Variants in TNFRSF21 observed in about 807,000 individuals in gnomAD.
TNFRSF21 encodes TNF receptor superfamily member 21, also known as tumor necrosis factor receptor superfamily member 21.
In TNFRSF21, 19 loss-of-function variants were observed where a neutral mutation model predicts 45.6. The ratio of observed to expected loss-of-function variants is 0.42; its 90% CI spans 0.29 to 0.61. TNFRSF21 has a LOEUF of 0.61. Ranked by LOEUF, TNFRSF21 falls within the 20% of genes least tolerant of loss-of-function variation. TNFRSF21 has a pLI of 0.23. For missense variants in TNFRSF21, 737 were observed against 851.5 expected (o/e 0.87, Z 1.67); for synonymous variants, 314 against 335.5 (o/e 0.94, Z 0.70).
At chr6:47,261,985 C>T (rs1765079550) in intron 3 of TNFRSF21, among the ~76,000 whole-genome samples, 1 of 152,162 alleles carries the variant, frequency 6.6e-6, no homozygotes, top group African/African-American at 2.4e-5. Context: ...TAAAAATAGT[C>T]CTTCCCTAAC....
At chr6:47,292,492 G>T (rs920474386) in intron 1 of TNFRSF21, among the ~76,000 whole-genome samples, 18 of 152,260 alleles carry the variant, frequency 1.2e-4, no homozygotes, top group Admixed American at 1.2e-3. Flanking sequence ...CTTTCCAAGT[G>T]ATTCTGATGC....
intron 3 of TNFRSF21, among the ~76,000 whole-genome samples, chr6:47,270,687 C>A (rs1762402624): frequency 6.6e-6 from 1 of 152,124 alleles, no homozygotes; most frequent in Non-Finnish European, 1.5e-5. Flanking sequence ...CAGAAGTAGG[C>A]TTCAGAAGAT....
At chr6:47,250,141 T>C (rs1240563547) in intron 4 of TNFRSF21, among the ~76,000 whole-genome samples, 1 of 152,148 alleles carries the variant, frequency 6.6e-6, no homozygotes, top group African/African-American at 2.4e-5. Context: ...CTGAAATATA[T>C]GCTTCTTATA....
chr6:47,296,249 C>T (rs149489374), intron 1 of TNFRSF21, among the ~76,000 whole-genome samples: 11 of 152,314 alleles, frequency 7.2e-5, no homozygotes, highest in South Asian at 2.1e-4. Context: ...AAACCAATGA[C>T]TCTGGCCAGT....
intron 3 of TNFRSF21, among the ~76,000 whole-genome samples, chr6:47,257,072 C>T (rs1764999323): frequency 1.3e-5 from 2 of 152,152 alleles, no homozygotes; most frequent in African/African-American, 4.8e-5. Context: ...GCTCCATACA[C>T]AGAGGACTAA....
rs771863207 is a variant in TNFRSF21 at position 47,284,137 on chromosome 6, C to T, written c.1044G>A (p.Glu348=). Reference sequence around the variant, plus strand: ...AAAGCACAATCATCCAGGGCAAATGCTCATTGATGTCAAAATGCTTGTGTA... The same window carrying T: ...AAAGCACAATCATCCAGGGCAAATGTTCATTGATGTCAAAATGCTTGTGTA... ...QNLHKHFDIN[E]HLPWMIVLFL... Residue 348 remains glutamate, a synonymous_variant, in exon 3 of 6, where the codon GAG becomes GAA. Coordinates refer to ENST00000296861, the MANE Select transcript of TNFRSF21 (RefSeq NM_014452.5). The T allele has an allele frequency of 6.2e-7, 1 of 1,614,202 alleles. No individual in the cohort carries two copies. The highest frequency in any genetic ancestry group is 8.5e-7 in the Non-Finnish European group (1 of 1,180,040).
intron 4 of TNFRSF21, among the ~76,000 whole-genome samples, chr6:47,251,320 A>G (rs1346588978): frequency 6.6e-6 from 1 of 152,230 alleles, no homozygotes; most frequent in Non-Finnish European, 1.5e-5. Flanking sequence ...CCAACGAGAA[A>G]GTTGTAGAGT....
chr6:47,309,567 C>T lies in TNFRSF21; in HGVS notation c.-56G>A, dbSNP rs1249588966. The T allele has an allele frequency of 1.4e-6, 2 of 1,388,740 alleles. No individual in the cohort carries two copies. Among genetic ancestry groups the T allele is most frequent in the Non-Finnish European group, 1.8e-6 (2 of 1,081,384 alleles). 86.0% of individuals were successfully genotyped at this position (1,388,740 alleles called of 1,614,324 possible). A position where few individuals can be genotyped will look rare whatever the true frequency, so the allele number is the denominator to read the frequency against. On this transcript the variant is annotated 5_prime_UTR_variant, in exon 1 of 6. Coordinates refer to ENST00000296861, the MANE Select transcript of TNFRSF21 (RefSeq NM_014452.5). ...GGGCGCGCGGGGCAGCTGGAATCGG[C>T]GGCTGCTTCTGCCCAGCGCCGCATC...
intron 1 of TNFRSF21, among the ~76,000 whole-genome samples, chr6:47,295,235 C>T (rs927206050): frequency 2.6e-5 from 4 of 152,184 alleles, no homozygotes; most frequent in African/African-American, 9.6e-5. Context: ...ACAAGAAGCA[C>T]TCAGATTTGC....
rs772242619 is a variant in TNFRSF21 at position 47,234,800 on chromosome 6, C to T, written c.1608G>A (p.Leu536=). 1 of 1,581,412 alleles carries T rather than the reference C, an allele frequency of 6.3e-7. No homozygotes were observed. ...PNAKLENSAL[L]TVEPSPQDKN... ...TGTCCTGTGGGGAAGGCTCCACCGT[C>T]AGGAGAGCGGAATTCTCAAGTTTCG... The change falls in exon 5 of 6, where the codon CTG becomes CTA. Residue 536 remains leucine, a synonymous_variant. Coordinates refer to ENST00000296861, the MANE Select transcript of TNFRSF21 (RefSeq NM_014452.5).
At chr6:47,258,942 A>T (rs562705764) in intron 3 of TNFRSF21, among the ~76,000 whole-genome samples, 24 of 152,124 alleles carry the variant, frequency 1.6e-4, no homozygotes, top group African/African-American at 5.5e-4. Context: ...TTCTAATAAA[A>T]CTCGACTTAC....
chr6:47,278,971 A>G (rs1280383705), intron 3 of TNFRSF21, among the ~76,000 whole-genome samples: 2 of 152,190 alleles, frequency 1.3e-5, no homozygotes, highest in African/African-American at 4.8e-5. Context: ...GGTTTAAACG[A>G]GGTATACCCA....
rs370974206 is a variant in TNFRSF21, at chr6:47,234,627, G to A, written c.1738+43C>T. The A allele has an allele frequency of 2.9e-5, 43 of 1,496,716 alleles. 1 individual carries two copies. In the South Asian group the frequency reaches 4.3e-4, roughly 15 times the overall value. The allele number at this position is 1,496,716 out of a possible 1,614,324, so 92.7% of individuals were successfully genotyped here. A position where few individuals can be genotyped will look rare whatever the true frequency, so the allele number is the denominator to read the frequency against. On this transcript the variant is annotated intron_variant, in intron 5 of 5. Coordinates refer to ENST00000296861, the MANE Select transcript of TNFRSF21 (RefSeq NM_014452.5). ...AGGGACGAATCCCAGGGGCTCTTTG[G>A]GGGGTTTAAGTGCGTGTGTGAGGTC...
At chr6:47,304,715 T>C (rs561889544) in intron 1 of TNFRSF21, among the ~76,000 whole-genome samples, 146 of 152,354 alleles carry the variant, frequency 9.6e-4, no homozygotes, top group Non-Finnish European at 1.7e-3. Flanking sequence ...TTTTTTCCCT[T>C]CCCAACTTAA....
At chr6:47,248,739 T>C (rs1047931190) in intron 4 of TNFRSF21, among the ~76,000 whole-genome samples, 4 of 152,222 alleles carry the variant, frequency 2.6e-5, no homozygotes, top group Non-Finnish European at 4.4e-5. Flanking sequence ...AGTCCTGGAA[T>C]TGGGTGAACA....
At chr6:47,305,827 C>A (rs529863188) in intron 1 of TNFRSF21, among the ~76,000 whole-genome samples, 1 of 152,324 alleles carries the variant, frequency 6.6e-6, no homozygotes, top group Non-Finnish European at 1.5e-5. Context: ...CTTCTGAGGG[C>A]CTCACTGCCA....
chr6:47,250,532 G>A (rs1764886553), intron 4 of TNFRSF21, among the ~76,000 whole-genome samples: 1 of 152,162 alleles, frequency 6.6e-6, no homozygotes. Flanking sequence ...GCAACAAAAA[G>A]CCACACCAGG....
intron 3 of TNFRSF21, among the ~76,000 whole-genome samples, chr6:47,264,149 A>C (rs1265417759): frequency 6.6e-6 from 1 of 152,194 alleles, no homozygotes; most frequent in Non-Finnish European, 1.5e-5. Context: ...ATGTGGGAGA[A>C]ATGCTGATTT....
Position 47,253,249 on chromosome 6 carries a change from C to T in TNFRSF21, c.1509+7G>A. ...GTGGTAATGACACACAACAAGGGCT[C>T]CATTACCTGGGTGGTGTCTTCCATC... On this transcript the variant is annotated splice_region_variant and intron_variant, in intron 4 of 5. Coordinates refer to ENST00000296861, the MANE Select transcript of TNFRSF21 (RefSeq NM_014452.5). The T allele has an allele frequency of 6.2e-7, 1 of 1,611,522 alleles. No homozygotes were observed. Among genetic ancestry groups the T allele is most frequent in the Non-Finnish European group, 8.5e-7 (1 of 1,178,406 alleles).
Sources: gnomAD v4.1 joint callset for allele counts (sites outside exome capture counted in the v4.1 genomes callset) on GRCh38, gnomAD v4.1.1 for gene constraint, MANE v1.5 for transcripts, NCBI Gene and HGNC (gene_info 2026-07-23, HGNC 2026-07-21) for gene names.